Variants in ST3GAL1 observed in about 807,000 individuals in gnomAD.
The protein encoded by ST3GAL1 is ST3 beta-galactoside alpha-2,3-sialyltransferase 1, also known as CMP-N-acetylneuraminate-beta-galactosamide-alpha-2,3-sialyltransferase 1.
ST3GAL1 carries 16 observed loss-of-function variants against 34.1 expected under a neutral mutation model. That is an observed-to-expected ratio of 0.47 (90% CI 0.32 to 0.71). The LOEUF is 0.71. Among genes scored for constraint, ST3GAL1 ranks in the 30% least tolerant of loss-of-function variants. ST3GAL1 has a pLI of 0.04. For missense variants in ST3GAL1, 353 were observed against 447.4 expected (o/e 0.79, Z 1.90); for synonymous variants, 191 against 184.7 (o/e 1.03, Z -0.28).
At chr8:133,522,874 G>A (rs527351836) in intron 2 of ST3GAL1, among the ~76,000 whole-genome samples, 4 of 152,258 alleles carry the variant, frequency 2.6e-5, no homozygotes, top group African/African-American at 9.6e-5. Context: ...CTCACCAGGC[G>A]AGGGAAGGGG....
At chr8:133,540,303 C>T (rs368302464) in intron 2 of ST3GAL1, among the ~76,000 whole-genome samples, 1 of 152,216 alleles carries the variant, frequency 6.6e-6, no homozygotes, top group Non-Finnish European at 1.5e-5. Context: ...TGCTGCCCAT[C>T]GGAATATTGA....
intron 2 of ST3GAL1, among the ~76,000 whole-genome samples, chr8:133,509,698 A>C (rs1368967495): frequency 6.6e-6 from 1 of 152,182 alleles, no homozygotes; most frequent in Non-Finnish European, 1.5e-5. Flanking sequence ...TTACAGGACG[A>C]GGTCAGTGAG....
chr8:133,552,617 G>T (rs1313348210), intron 1 of ST3GAL1, among the ~76,000 whole-genome samples: 1 of 152,174 alleles, frequency 6.6e-6, no homozygotes, highest in African/African-American at 2.4e-5. Context: ...AGGCCAACTT[G>T]GCTGATCTGA....
At chr8:133,462,159 T>C (rs1006489564) in intron 8 of ST3GAL1, among the ~76,000 whole-genome samples, 165 bp from the exon 9 acceptor site, 3 of 152,120 alleles carry the variant, frequency 2.0e-5, no homozygotes, top group Non-Finnish European at 4.4e-5. Context: ...TGGACACTCA[T>C]CCACATCACT....
At chr8:133,535,026 G>C (rs1490431914) in intron 2 of ST3GAL1, among the ~76,000 whole-genome samples, 2 of 152,238 alleles carry the variant, frequency 1.3e-5, no homozygotes, top group Non-Finnish European at 2.9e-5. Context: ...CACAGGCAGG[G>C]GTTTGAGGGC....
chr8:133,560,268 A>C (rs1819179554), intron 1 of ST3GAL1, among the ~76,000 whole-genome samples: 1 of 152,200 alleles, frequency 6.6e-6, no homozygotes, highest in Admixed American at 6.5e-5. Flanking sequence ...ACTAAAAAAA[A>C]AAACACACTG....
rs1256714385 is a variant in ST3GAL1 at position 133,508,119 on chromosome 8, G to C, written c.-428-8930C>G. On this transcript the variant is annotated intron_variant, in intron 2 of 9. Transcript: ENST00000522652. This position sits in a 1 kb window ranked among gnomAD's most constrained non-coding sequence, Gnocchi z 4.1. ...CTTCAGTTTCCCCCACTGATGGTAA[G>C]TACTAGAGTTGAAAAAAAGGCATCT... Among the ~76,000 whole-genome samples the C allele has an allele frequency of 6.6e-6, 1 of 152,174 alleles. No individual in the cohort carries two copies. The highest frequency in any genetic ancestry group is 1.5e-5 in the Non-Finnish European group (1 of 68,032).
chr8:133,512,670 G>A lies in ST3GAL1; in HGVS notation c.-428-13481C>T, dbSNP rs79010624. Among the ~76,000 whole-genome samples the A allele has an allele frequency of 6.9e-3, 1,045 of 152,268 alleles. 18 individuals carry two copies. Among genetic ancestry groups the A allele is most frequent in the African/African-American group, 0.024 (996 of 41,554 alleles). On this transcript the variant is annotated intron_variant, in intron 2 of 9. Coordinates refer to ENST00000522652, the MANE Select transcript of ST3GAL1 (RefSeq NM_173344.3). ...GTCCGCACAGGGTTGGTCCAGGCCC[G>A]AGCCTGTTTCTCCAGTACGTCATGA...
rs1218602921 is a variant in ST3GAL1, at chr8:133,571,732, T to A, written c.-621A>T. 2 of 152,516 alleles carry A rather than the reference T, an allele frequency of 1.3e-5. No individual in the cohort carries two copies. The highest frequency in any genetic ancestry group is 2.9e-5 in the Non-Finnish European group (2 of 68,360). The allele number at this position is 152,516 out of a possible 1,614,324, so 9.4% of individuals were successfully genotyped here. ...CGCTGGAGTTTCCGGGATTTGGGCA[T>A]GAAGGGGTTCGGAGGAGAATACAGG... On this transcript the variant is annotated 5_prime_UTR_variant, in exon 1 of 10. The change abolishes an upstream ATG in the 5' untranslated region. Transcript: ENST00000522652. The surrounding 1 kb of genome is among the most constrained non-coding windows in gnomAD (Gnocchi z 6.7).
chr8:133,527,408 G>T (rs1201871059), intron 2 of ST3GAL1, among the ~76,000 whole-genome samples: 7 of 152,148 alleles, frequency 4.6e-5, no homozygotes, highest in Non-Finnish European at 1.0e-4. Flanking sequence ...GTCCACTCTT[G>T]GTCCCTGCAA....
chr8:133,540,718 TATATATAGACATATATA>T, intron 2 of ST3GAL1, among the ~76,000 whole-genome samples: 1 of 102,788 alleles, frequency 9.7e-6, no homozygotes, highest in African/African-American at 5.6e-5. Context: ...CAGACATATA[TATATATAGACATATATA>T]TATATATAGA....
intron 2 of ST3GAL1, among the ~76,000 whole-genome samples, chr8:133,522,040 A>G (rs1382785698): frequency 6.6e-6 from 1 of 152,190 alleles, no homozygotes; most frequent in Non-Finnish European, 1.5e-5. Context: ...CAAAAACCTT[A>G]AAAATGGTGG....
intron 5 of ST3GAL1, 81 bp downstream of exon 5, chr8:133,475,638 A>G: frequency 1.4e-6 from 2 of 1,428,216 alleles, no homozygotes; most frequent in Non-Finnish European, 1.8e-6. Context: ...TCTTATCCAG[A>G]TCCCCACTCT....
chr8:133,535,078 C>T (rs79821615), intron 2 of ST3GAL1, among the ~76,000 whole-genome samples: 4 of 152,022 alleles, frequency 2.6e-5, no homozygotes, highest in Admixed American at 6.6e-5. Context: ...GAGTGGAAAG[C>T]GGGAGGAGGA....
Position 133,461,239 on chromosome 8 carries a change from C to T in ST3GAL1, c.849+636G>A, listed in dbSNP as rs988782291. ...GGGCTGAATGAGACAAGAAGGGACA[C>T]GTGAGGGCCCTGCCTGAACCCAACA... is the stretch of plus-strand genomic sequence containing the variant. On this transcript the variant is annotated intron_variant, in intron 9 of 9. Coordinates refer to ENST00000522652, the MANE Select transcript of ST3GAL1 (RefSeq NM_173344.3). The surrounding 1 kb of genome is among the most constrained non-coding windows in gnomAD (Gnocchi z 4.7). Among the ~76,000 whole-genome samples, 9 of 152,136 alleles carry T rather than the reference C, an allele frequency of 5.9e-5. No homozygotes were observed. The highest frequency in any genetic ancestry group is 1.9e-4 in the African/African-American group (8 of 41,422).
intron 2 of ST3GAL1, among the ~76,000 whole-genome samples, chr8:133,536,239 C>T (rs2131054406): frequency 6.6e-6 from 1 of 152,070 alleles, no homozygotes; most frequent in South Asian, 2.1e-4. Context: ...TTGATGGGGC[C>T]CTGAACGTGG....
chr8:133,537,651 C>T (rs1440854964), intron 2 of ST3GAL1, among the ~76,000 whole-genome samples: 2 of 152,222 alleles, frequency 1.3e-5, no homozygotes, highest in South Asian at 4.1e-4. Flanking sequence ...GGCCCATTCT[C>T]TGGAACCCTC....
At chr8:133,477,477 G>T (rs1200033209) in intron 3 of ST3GAL1, among the ~76,000 whole-genome samples, 1 of 151,896 alleles carries the variant, frequency 6.6e-6, no homozygotes. Context: ...GGAAAGGAAG[G>T]AGCAGGATCC....
chr8:133,541,418 C>T (rs1259415916), intron 2 of ST3GAL1, among the ~76,000 whole-genome samples: 1 of 152,008 alleles, frequency 6.6e-6, no homozygotes, highest in Non-Finnish European at 1.5e-5. Context: ...GTAATCACAC[C>T]CTCAACCTGA....
Sources: allele counts gnomAD v4.1 joint callset (sites outside exome capture counted in the v4.1 genomes callset), GRCh38; gene constraint gnomAD v4.1.1; non-coding constraint Gnocchi (gnomAD v3.1); transcripts MANE v1.5; gene names NCBI Gene and HGNC (gene_info 2026-07-23, HGNC 2026-07-21).